The following LPIN1 variants were observed in gnomAD, a reference collection of about 807,000 sequenced individuals.
LPIN1 encodes lipin 1, also known as phosphatidate phosphatase LPIN1.
In LPIN1, 71 loss-of-function variants were observed where a neutral mutation model predicts 107.5. The ratio of observed to expected loss-of-function variants is 0.66; its 90% CI spans 0.55 to 0.80. The LOEUF (loss-of-function observed/expected upper bound fraction) is 0.80, where lower values mean the gene tolerates loss of function less well. LPIN1 is among the 30% of genes least tolerant of loss of function. The pLI, the probability that LPIN1 is intolerant of heterozygous loss-of-function variation, is 0.00. For missense variants in LPIN1, 1,043 were observed against 1,160.6 expected, an observed-to-expected ratio of 0.90 and a Z score of 1.47; for synonymous variants, 445 against 452.6, an observed-to-expected ratio of 0.98 and a Z score of 0.21.
At chr2:11,713,791 T>C (rs1358647756) in exon 2 of LPIN1, 7 of 1,522,932 alleles carry the variant, frequency 4.6e-6, no homozygotes, top group Middle Eastern at 1.7e-4. Context: ...GGATTCGAAA[T>C]GTATGGTCTT....
At chr2:11,796,400 C>G (rs958074992) in intron 14 of LPIN1, among the ~76,000 whole-genome samples, 1 of 152,138 alleles carries the variant, frequency 6.6e-6, no homozygotes, top group Admixed American at 6.5e-5. Flanking sequence ...GTGTCTTAAA[C>G]AATTTTACAT....
At chr2:11,733,073 T>G (rs1273413729) in intron 1 of LPIN1, among the ~76,000 whole-genome samples, 1 of 152,080 alleles carries the variant, frequency 6.6e-6, no homozygotes, top group Non-Finnish European at 1.5e-5. Flanking sequence ...CCTTAACAAT[T>G]CCATTCCCAC....
chr2:11,753,767 A>G lies in LPIN1; in HGVS notation c.-10+7096A>G, dbSNP rs559494564. 1.1e-4 allele frequency among the ~76,000 whole-genome samples: 16 copies of G among 152,342 alleles called. No individual in the cohort carries two copies. In the South Asian group the frequency reaches 3.3e-3, roughly 32 times the overall value. On this transcript the variant is annotated intron_variant, in intron 1 of 20. Coordinates refer to ENST00000674199, the MANE Select transcript of LPIN1 (RefSeq NM_001349206.2). ...TAAGTGTAAATTACAGGAGGAAGCT[A>G]ACACTATTTATAAATCAATTTCATT...
At chr2:11,723,885 T>C (rs1664346331), upstream of LPIN1, 1 of 152,358 alleles carries the variant, frequency 6.6e-6, no homozygotes, top group South Asian at 2.1e-4. Context: ...TAATTATTCT[T>C]CATTTTATCT....
intron 1 of LPIN1, among the ~76,000 whole-genome samples, chr2:11,708,842 A>G (rs965087700): frequency 9.2e-5 from 14 of 152,306 alleles, no homozygotes; most frequent in Middle Eastern, 3.4e-3. Context: ...GATGATGATG[A>G]CAATGATGAT....
intron 10 of LPIN1, among the ~76,000 whole-genome samples, chr2:11,785,809 C>T (rs543510737): frequency 2.2e-3 from 342 of 152,314 alleles, no homozygotes; most frequent in Non-Finnish European, 3.5e-3. Flanking sequence ...CCACCCTGGT[C>T]CCTTCAAGGC....
chr2:11,764,035 A>G (rs1670313388), intron 1 of LPIN1, among the ~76,000 whole-genome samples: 1 of 141,166 alleles, frequency 7.1e-6, no homozygotes, highest in Non-Finnish European at 1.5e-5. Flanking sequence ...GTCCAGCCAG[A>G]GCAAGATCCT....
At chr2:11,724,873 C>A (rs1301262079) in intron 1 of LPIN1, among the ~76,000 whole-genome samples, 1 of 152,178 alleles carries the variant, frequency 6.6e-6, no homozygotes, top group Non-Finnish European at 1.5e-5. Context: ...TAACTGGATG[C>A]TTTCTCAAGG....
At chr2:11,750,278 G>A (rs1466872564) in intron 1 of LPIN1, among the ~76,000 whole-genome samples, 2 of 152,170 alleles carry the variant, frequency 1.3e-5, no homozygotes, top group African/African-American at 2.4e-5. Flanking sequence ...CAAGACAGGC[G>A]CCCAGACAAC....
intron 19 of LPIN1, 119 bp downstream of exon 19, chr2:11,819,717 A>G: frequency 1.2e-6 from 1 of 811,526 alleles, no homozygotes; most frequent in Non-Finnish European, 2.2e-6. Flanking sequence ...CAGAAGCAGT[A>G]GCCTGGTGAA....
chr2:11,700,473 C>CTG (rs1662812990), intron 1 of LPIN1, among the ~76,000 whole-genome samples: 1 of 151,240 alleles, frequency 6.6e-6, no homozygotes, highest in Non-Finnish European at 1.5e-5. Context: ...TCTCAGCTCT[C>CTG]TCTCTCTCTC....
chr2:11,781,616 G>T (rs1673580400), intron 7 of LPIN1, among the ~76,000 whole-genome samples: 1 of 152,156 alleles, frequency 6.6e-6, no homozygotes, highest in Non-Finnish European at 1.5e-5. Context: ...CTCATGTTTT[G>T]GGAATAAACT....
intron 1 of LPIN1, among the ~76,000 whole-genome samples, chr2:11,706,734 C>A (rs1446463969): frequency 6.6e-6 from 1 of 152,182 alleles, no homozygotes; most frequent in Admixed American, 6.5e-5. Context: ...GGAACTCCCA[C>A]CAGGTTAGAG....
intron 1 of LPIN1, among the ~76,000 whole-genome samples, chr2:11,713,514 G>A (rs904545995): frequency 6.6e-6 from 1 of 152,182 alleles, no homozygotes; most frequent in Non-Finnish European, 1.5e-5. Context: ...CAGGTGATCT[G>A]CCTGCTTTGG....
chr2:11,722,209 G>C (rs942036888), upstream of LPIN1: 4 of 152,154 alleles, frequency 2.6e-5, no homozygotes, highest in Non-Finnish European at 5.9e-5. Flanking sequence ...CTTACTCATA[G>C]GTCCTTTTCA....
At position 11,788,608 on chromosome 2, in the gene LPIN1, G is replaced by C. The variant is rs186199087; in HGVS notation, c.1713+152G>C. On this transcript the variant is annotated intron_variant, in intron 12 of 20. Coordinates refer to ENST00000674199, the MANE Select transcript of LPIN1 (RefSeq NM_001349206.2). ...ATGAGCATACAGGCCAGGAGTTTCT[G>C]ATCTCTCTCTTGCACCTTGCACGTG... 5.0e-4 allele frequency: 354 copies of C among 702,428 alleles called. 4 individuals are homozygous for C. In the Middle Eastern group the frequency reaches 0.012, roughly 23 times the overall value. 43.5% of individuals were successfully genotyped at this position (702,428 alleles called of 1,614,324 possible). A position where few individuals can be genotyped will look rare whatever the true frequency, so the allele number is the denominator to read the frequency against.
At chr2:11,708,333 C>G (rs1194911094) in intron 1 of LPIN1, among the ~76,000 whole-genome samples, 2 of 152,100 alleles carry the variant, frequency 1.3e-5, no homozygotes, top group African/African-American at 4.8e-5. Flanking sequence ...GAGAAGGCCC[C>G]ATGGAGAGCT....
intron 17 of LPIN1, among the ~76,000 whole-genome samples, chr2:11,808,365 T>A (rs999943720): frequency 5.9e-5 from 9 of 152,202 alleles, no homozygotes. Flanking sequence ...AGGCTAAGAA[T>A]TGACCAAGGC....
chr2:11,741,213 G>A (rs879870606), intron 1 of LPIN1: 27 of 589,088 alleles, frequency 4.6e-5, no homozygotes, highest in African/African-American at 7.5e-5. Flanking sequence ...CCAGGAGCCC[G>A]GGAGTCCTGC....
Sources: allele counts gnomAD v4.1 joint callset (sites outside exome capture counted in the v4.1 genomes callset), GRCh38; gene constraint gnomAD v4.1.1; transcripts MANE v1.5; gene names NCBI Gene and HGNC (gene_info 2026-07-23, HGNC 2026-07-21).